The following DYNLT2B variants were observed in gnomAD, a reference collection of about 807,000 sequenced individuals.
The protein encoded by DYNLT2B is dynein light chain Tctex-type protein 2B.
Under a neutral mutation model 19.5 loss-of-function variants are expected in DYNLT2B, and 14 were observed. The ratio of observed to expected loss-of-function variants is 0.72; its 90% CI spans 0.47 to 1.12. The LOEUF is 1.12. Among genes scored for constraint, DYNLT2B ranks in the 50% most tolerant of loss-of-function variants. The pLI, the probability that DYNLT2B is intolerant of heterozygous loss-of-function variation, is 0.00. For missense variants in DYNLT2B, 133 were observed against 174.7 expected, an observed-to-expected ratio of 0.76 and a Z score of 1.35; for synonymous variants, 70 against 59.7, an observed-to-expected ratio of 1.17 and a Z score of -0.79.
chr3:196,294,901 A>AT (rs1213226545), intron 4 of DYNLT2B, among the ~76,000 whole-genome samples: 1 of 151,718 alleles, frequency 6.6e-6, no homozygotes, highest in Admixed American at 6.6e-5. Flanking sequence ...CACCCGGCTA[A>AT]TTTTTTGTGT....
At chr3:196,316,294 C>A in intron 1 of DYNLT2B, 63 bp from the exon 2 acceptor site, 5 of 1,507,518 alleles carry the variant, frequency 3.3e-6, no homozygotes, top group Non-Finnish European at 3.6e-6. Flanking sequence ...ACCTTCATAC[C>A]GCAACTTCTC....
Position 196,316,191 on chromosome 3 carries a change from GCACAGC to G in DYNLT2B, c.148_153del (p.Ala50_Val51del). ...TCAGCATTTGCCAGTTCCTCCTTGAGCACAGCATGGATACAGTCTTTAACCACAGAG... is the reference window on the plus strand; with the variant it reads ...TCAGCATTTGCCAGTTCCTCCTTGAGATGGATACAGTCTTTAACCACAGAG... On this transcript the variant is annotated inframe_deletion, in exon 2 of 5. Transcript: ENST00000325318. 3 of 1,613,830 alleles carry G rather than the reference GCACAGC, an allele frequency of 1.9e-6. No individual in the cohort carries two copies. The highest frequency in any genetic ancestry group is 2.5e-6 in the Non-Finnish European group (3 of 1,179,866).
chr3:196,291,372 G>A lies in DYNLT2B; in HGVS notation c.384C>T (p.Asp128=). The change falls in exon 5 of 5, where the codon GAC becomes GAT. Residue 128 remains aspartate, a splice_region_variant and synonymous_variant. Coordinates refer to ENST00000325318, the MANE Select transcript of DYNLT2B (RefSeq NM_152773.5). Reference sequence around the variant, plus strand: ...ATGCTGCTACAACGCAGAATAAACTGTCCTAAAAAATAAATACAACACACA... The same window carrying A: ...ATGCTGCTACAACGCAGAATAAACTATCCTAAAAAATAAATACAACACACA... ...DNYTHDVFMN[D]SLFCVVAAFG... 6.2e-7 allele frequency: 1 copy of A among 1,609,244 alleles called. No individual in the cohort carries two copies. The highest frequency in any genetic ancestry group is 2.2e-5 in the East Asian group (1 of 44,582).
chr3:196,316,916 T>TGTGTGTGTTGTGTG (rs1726826300), intron 1 of DYNLT2B, among the ~76,000 whole-genome samples: 1 of 136,988 alleles, frequency 7.3e-6, no homozygotes, highest in East Asian at 2.3e-4. Flanking sequence ...TGTTGTGTGG[T>TGTGTGTGTTGTGTG]GTGTGTGTGT....
At chr3:196,310,954 A>G (rs905938031) in intron 2 of DYNLT2B, among the ~76,000 whole-genome samples, 3 of 151,502 alleles carry the variant, frequency 2.0e-5, no homozygotes, top group East Asian at 3.9e-4. Context: ...CAGGGTGGTC[A>G]TGAACTCCTG....
chr3:196,294,343 G>A (rs1169224122), intron 4 of DYNLT2B, among the ~76,000 whole-genome samples: 3 of 152,064 alleles, frequency 2.0e-5, no homozygotes, highest in Non-Finnish European at 4.4e-5. Flanking sequence ...GCAAAATTCT[G>A]TCTCAAAAAA....
chr3:196,317,815 C>T (rs1726920104), intron 1 of DYNLT2B, among the ~76,000 whole-genome samples: 1 of 152,162 alleles, frequency 6.6e-6, no homozygotes, highest in Non-Finnish European at 1.5e-5. Flanking sequence ...ACGCGCCCGG[C>T]GCCCAAACAC....
intron 3 of DYNLT2B, among the ~76,000 whole-genome samples, chr3:196,301,919 G>A (rs554709686): frequency 6.6e-6 from 1 of 152,138 alleles, no homozygotes; most frequent in East Asian, 1.9e-4. Flanking sequence ...ACAGAAAAGA[G>A]GATGATTGAC....
chr3:196,316,363 T>C (rs1726792788), intron 1 of DYNLT2B, 132 bp from the exon 2 acceptor site: 2 of 984,440 alleles, frequency 2.0e-6, no homozygotes, highest in Non-Finnish European at 2.8e-6. Flanking sequence ...TATTATAAAA[T>C]ATAAACAAAT....
intron 2 of DYNLT2B, among the ~76,000 whole-genome samples, chr3:196,313,904 C>A (rs527769157): frequency 5.9e-5 from 9 of 151,986 alleles, no homozygotes; most frequent in African/African-American, 1.7e-4. Flanking sequence ...TCGAGATCAG[C>A]CTGACCAACA....
chr3:196,298,785 G>T (rs923070183), intron 3 of DYNLT2B, among the ~76,000 whole-genome samples: 1 of 152,186 alleles, frequency 6.6e-6, no homozygotes, highest in Non-Finnish European at 1.5e-5. Flanking sequence ...TTTCCTGGAG[G>T]ATTTGCCAAT....
At chr3:196,299,551 G>A (rs1367427599) in intron 3 of DYNLT2B, among the ~76,000 whole-genome samples, 1 of 152,074 alleles carries the variant, frequency 6.6e-6, no homozygotes, top group Non-Finnish European at 1.5e-5. Flanking sequence ...AAGCTAAGGA[G>A]GTAAAATCAG....
rs1726785963 is a variant in DYNLT2B at position 196,316,168 on chromosome 3, A to G, written c.177T>C (p.Ala59=). ...HAVLKEELAN[A]EYSPEEMPQL... ...GAGGCATTTCTTCTGGAGAATATTC[A>G]GCATTTGCCAGTTCCTCCTTGAGCA... The change falls in exon 2 of 5, where the codon GCT becomes GCC. Residue 59 remains alanine, a synonymous_variant. Transcript: ENST00000325318. 2.5e-6 allele frequency: 4 copies of G among 1,614,006 alleles called. No individual in the cohort carries two copies. The highest frequency in any genetic ancestry group is 3.4e-6 in the Non-Finnish European group (4 of 1,179,946).
chr3:196,308,871 AG>A (rs1414067929), intron 2 of DYNLT2B, among the ~76,000 whole-genome samples: 2 of 152,168 alleles, frequency 1.3e-5, no homozygotes, highest in African/African-American at 4.8e-5. Context: ...CACGGTTCTG[AG>A]GGGAAAATAA....
intron 3 of DYNLT2B, among the ~76,000 whole-genome samples, chr3:196,302,807 C>A (rs1560188515): frequency 6.6e-6 from 1 of 152,102 alleles, no homozygotes; most frequent in Non-Finnish European, 1.5e-5. Flanking sequence ...ACCTAACCGA[C>A]TCCATCTTGC....
At chr3:196,302,698 G>C (rs1252481694) in intron 3 of DYNLT2B, among the ~76,000 whole-genome samples, 1 of 152,062 alleles carries the variant, frequency 6.6e-6, no homozygotes, top group Non-Finnish European at 1.5e-5. Flanking sequence ...TTTCAGTGTG[G>C]GCTGCACACG....
At chr3:196,316,516 A>C (rs1726798037) in intron 1 of DYNLT2B, among the ~76,000 whole-genome samples, 1 of 152,068 alleles carries the variant, frequency 6.6e-6, no homozygotes, top group South Asian at 2.1e-4. Context: ...CCTCTCCCCC[A>C]AAACAAAATA....
At chr3:196,293,382 T>C (rs1346115313) in intron 4 of DYNLT2B, among the ~76,000 whole-genome samples, 2 of 151,910 alleles carry the variant, frequency 1.3e-5, no homozygotes, top group African/African-American at 2.4e-5. Context: ...TCCCAGCACT[T>C]TGGGAGGCCA....
chr3:196,299,470 G>A (rs916153997), intron 3 of DYNLT2B, among the ~76,000 whole-genome samples: 2 of 152,010 alleles, frequency 1.3e-5, no homozygotes, highest in Non-Finnish European at 2.9e-5. Context: ...CAATCTGCCC[G>A]CCTTGGCCTT....
Sources: allele counts gnomAD v4.1 joint callset (sites outside exome capture counted in the v4.1 genomes callset), GRCh38; gene constraint gnomAD v4.1.1; transcripts MANE v1.5; gene names NCBI Gene and HGNC (gene_info 2026-07-23, HGNC 2026-07-21).